KIF26B: variants seen among roughly 807,000 people sequenced by gnomAD.
KIF26B encodes kinesin family member 26B.
Under a neutral mutation model 151.2 loss-of-function variants are expected in KIF26B, and 63 were observed. The ratio of observed to expected loss-of-function variants is 0.42; its 90% CI spans 0.34 to 0.51. The LOEUF (loss-of-function observed/expected upper bound fraction) is 0.51. Among genes scored for constraint, KIF26B ranks in the 20% least tolerant of loss-of-function variants. The pLI is 0.07. For synonymous variants in KIF26B, 1,357 were observed against 1,262.1 expected (o/e 1.08, Z -1.59); for missense variants, 2,813 against 2,913.6 (o/e 0.97, Z 0.79).
chr1:245,685,191 G>T (rs541324075), intron 11 of KIF26B, among the ~76,000 whole-genome samples: 1 of 152,246 alleles, frequency 6.6e-6, no homozygotes, highest in Admixed American at 6.5e-5. Flanking sequence ...TTTCCCCAGC[G>T]TGCCACACGG....
intron 2 of KIF26B, among the ~76,000 whole-genome samples, chr1:245,355,605 AAAAAAAAG>A (rs1244085885): frequency 3.4e-5 from 5 of 147,990 alleles, no homozygotes; most frequent in African/African-American, 1.3e-4. Context: ...CAAAAAAAAA[AAAAAAAAG>A]AAGAAGAAGA....
chr1:245,294,619 G>T (rs1671307162), intron 2 of KIF26B, among the ~76,000 whole-genome samples: 1 of 152,058 alleles, frequency 6.6e-6, no homozygotes, highest in South Asian at 2.1e-4. Flanking sequence ...AGAATTTCTG[G>T]AAGTGGAGAC....
intron 5 of KIF26B, among the ~76,000 whole-genome samples, chr1:245,542,667 T>C (rs1452948241): frequency 6.6e-6 from 1 of 152,254 alleles, no homozygotes; most frequent in Non-Finnish European, 1.5e-5. Flanking sequence ...CGTGGATGGT[T>C]GATTCGCTGC....
Position 245,541,755 on chromosome 1 carries a change from G to A in KIF26B, c.1350+805G>A, listed in dbSNP as rs1163883174. Among the ~76,000 whole-genome samples the A allele has an allele frequency of 4.0e-5, 6 of 151,894 alleles. No homozygotes were observed. In the East Asian group the frequency reaches 7.7e-4, roughly 20 times the overall value. On this transcript the variant is annotated intron_variant, in intron 5 of 14. Coordinates refer to ENST00000407071, the MANE Select transcript of KIF26B (RefSeq NM_018012.4). The stretch of plus-strand genomic sequence containing the variant: ...CTCCGGCCCTGGGCTTCATTTGGCC[G>A]CCGTTGCTAGTCTTGCTGAAGCTCC...
intron 9 of KIF26B, among the ~76,000 whole-genome samples, chr1:245,621,366 A>G (rs1019068602): frequency 5.3e-5 from 8 of 152,110 alleles, no homozygotes; most frequent in Non-Finnish European, 1.2e-4. Context: ...TAATTTCTGC[A>G]TTGTGGGATA....
rs544962888 is a variant in KIF26B, at chr1:245,575,212, C to A, written c.1351-27365C>A. 5.3e-5 allele frequency among the ~76,000 whole-genome samples: 8 copies of A among 151,710 alleles called. No individual in the cohort carries two copies. In the South Asian group the frequency reaches 1.7e-3, roughly 32 times the overall value. On this transcript the variant is annotated intron_variant, in intron 5 of 14. Coordinates refer to ENST00000407071, the MANE Select transcript of KIF26B (RefSeq NM_018012.4). ...AAGGTAGGCTGGGGGCGGTGGCTCACGCCTGTAATCCCAGCACTTTGGGAG... is the reference window on the plus strand; with the variant it reads ...AAGGTAGGCTGGGGGCGGTGGCTCAAGCCTGTAATCCCAGCACTTTGGGAG...
chr1:245,172,575 C>T (rs536712779), intron 2 of KIF26B, among the ~76,000 whole-genome samples: 50 of 152,178 alleles, frequency 3.3e-4, no homozygotes, highest in African/African-American at 1.2e-3. Flanking sequence ...TTTAGGAGGC[C>T]GAGGCGGGCA....
chr1:245,604,974 G>A (rs796730211), intron 6 of KIF26B, among the ~76,000 whole-genome samples: 13 of 152,238 alleles, frequency 8.5e-5, no homozygotes, highest in African/African-American at 3.1e-4. Flanking sequence ...TCCCTTTCCC[G>A]AGCAGACGTC....
At chr1:245,684,698 T>C (rs946318550) in intron 11 of KIF26B, among the ~76,000 whole-genome samples, 1 of 152,170 alleles carries the variant, frequency 6.6e-6, no homozygotes, top group African/African-American at 2.4e-5. Context: ...AGGAAAAACG[T>C]TGGAGGGATG....
In KIF26B at chr1:245,688,536, C is replaced by T. The variant is rs1186119195; in HGVS notation, c.5553C>T (p.Tyr1851=). 3 of 1,537,768 alleles carry T rather than the reference C, an allele frequency of 2.0e-6. No individual in the cohort carries two copies. The highest frequency in any genetic ancestry group is 1.7e-6 in the Non-Finnish European group (2 of 1,144,992). Residue 1851 remains tyrosine, a synonymous_variant, in exon 12 of 15, where the codon TAC becomes TAT. Coordinates refer to ENST00000407071, the MANE Select transcript of KIF26B (RefSeq NM_018012.4). ...PAAAHLLPSP[Y]SKITPPRRPH... ...CCGCGCACCTGCTCCCGTCGCCCTA[C>T]AGCAAGATCACGCCCCCGCGGAGGC...
chr1:245,620,437 T>C (rs2043645582), intron 9 of KIF26B, among the ~76,000 whole-genome samples: 1 of 152,138 alleles, frequency 6.6e-6, no homozygotes, highest in African/African-American at 2.4e-5. Context: ...TCTCACTCTG[T>C]CACCCAGGCT....
In KIF26B at chr1:245,471,129, G is replaced by GTA. The variant is rs199865579; in HGVS notation, c.1166+51385_1166+51386insAT. Among the ~76,000 whole-genome samples, 424 of 145,248 alleles carry GTA rather than the reference G, an allele frequency of 2.9e-3. 9 individuals carry two copies. The highest frequency in any genetic ancestry group is 0.027 in the Admixed American group (388 of 14,482). On this transcript the variant is annotated intron_variant, in intron 4 of 14. Coordinates refer to ENST00000407071, the MANE Select transcript of KIF26B (RefSeq NM_018012.4). ...ATTTTGATAGTATGTGTGTGTGTGT[G>GTA]TGTATATATATATATATTTGAGAAG...
Position 245,556,318 on chromosome 1 carries a change from TCTTCTTCCTC to T in KIF26B, c.1350+15383_1350+15392del, listed in dbSNP as rs773310167. On this transcript the variant is annotated intron_variant, in intron 5 of 14. Coordinates refer to ENST00000407071, the MANE Select transcript of KIF26B (RefSeq NM_018012.4). Reference sequence around the variant, plus strand: ...CTTCCTCCCTCCTCCTCCTCCTTCTTCTTCTTCCTCCTTCTTCCTCCTTCCTCCCTCCTCC... The same window carrying T: ...CTTCCTCCCTCCTCCTCCTCCTTCTTCTTCTTCCTCCTTCCTCCCTCCTCC... 8.3e-4 allele frequency among the ~76,000 whole-genome samples: 78 copies of T among 93,542 alleles called. 1 individual carries two copies. The highest frequency in any genetic ancestry group is 6.4e-3 in the Middle Eastern group (1 of 156). 61.4% of individuals were successfully genotyped at this position (93,542 alleles called of 152,430 possible). A position where few individuals can be genotyped will look rare whatever the true frequency, so the allele number is the denominator to read the frequency against.
chr1:245,644,879 C>G (rs1024480902), intron 9 of KIF26B, among the ~76,000 whole-genome samples: 29 of 152,192 alleles, frequency 1.9e-4, no homozygotes, highest in African/African-American at 7.0e-4. Context: ...GAGGCTTATT[C>G]TGCTCACAGT....
chr1:245,686,195 C>G lies in KIF26B; in HGVS notation c.3212C>G (p.Ala1071Gly), dbSNP rs1425010152. ...ATGGGCTCCCCCCGGCTGGGCATCG[C>G]CAGCCTGTCCAAGACCTCGGAGTAC... ...RPMGSPRLGI[A>G]SLSKTSEYKP... The change falls in exon 12 of 15, where the codon GCC becomes GGC. Residue 1071 changes from alanine to glycine, a missense_variant. Around this residue, in one of 3 missense-constraint regions of KIF26B, gnomAD observed 2,060 missense variants for 2,088.6 expected, o/e 0.99. Transcript: ENST00000407071. The surrounding 1 kb of genome is among the most constrained non-coding windows in gnomAD (Gnocchi z 5.6). 1 of 1,612,594 alleles carries G rather than the reference C, an allele frequency of 6.2e-7. No homozygotes were observed. Among genetic ancestry groups the G allele is most frequent in the African/African-American group, 1.3e-5 (1 of 75,048 alleles).
At chr1:245,341,952 G>A (rs984238133) in intron 2 of KIF26B, among the ~76,000 whole-genome samples, 1 of 152,096 alleles carries the variant, frequency 6.6e-6, no homozygotes, top group Non-Finnish European at 1.5e-5. Flanking sequence ...TGTATCACAG[G>A]GATGTTGATT....
intron 3 of KIF26B, among the ~76,000 whole-genome samples, chr1:245,376,745 C>T (rs760125127): frequency 2.0e-5 from 3 of 152,008 alleles, no homozygotes; most frequent in Non-Finnish European, 2.9e-5. Flanking sequence ...TGGAGTGCAG[C>T]GGCACAATCT....
chr1:245,628,161 T>C (rs756483113), intron 9 of KIF26B, among the ~76,000 whole-genome samples: 95 of 152,128 alleles, frequency 6.2e-4, no homozygotes, highest in Admixed American at 1.6e-3. Context: ...TACCAAAACC[T>C]GGCAGAGACA....
intron 4 of KIF26B, among the ~76,000 whole-genome samples, chr1:245,445,028 G>A (rs1659215282): frequency 6.6e-6 from 1 of 152,170 alleles, no homozygotes; most frequent in African/African-American, 2.4e-5. Flanking sequence ...AGCTGAACAT[G>A]AACCCCAAAT....
Sources: gnomAD v4.1 joint callset for allele counts (sites outside exome capture counted in the v4.1 genomes callset) on GRCh38, gnomAD v4.1.1 for gene constraint, gnomAD v4.1.1 regional missense constraint, Gnocchi (gnomAD v3.1) non-coding constraint, MANE v1.5 for transcripts, NCBI Gene and HGNC (gene_info 2026-07-23, HGNC 2026-07-21) for gene names.